Variants in EVC2 observed in about 807,000 individuals in gnomAD.
The protein encoded by EVC2 is limbin.
In EVC2, 148 loss-of-function variants were observed where a neutral mutation model predicts 149.3. That is an observed-to-expected ratio of 0.99 (90% confidence interval 0.87 to 1.14). The LOEUF (loss-of-function observed/expected upper bound fraction) is 1.14, where lower values mean the gene tolerates loss of function less well. Ranked by LOEUF, EVC2 falls within the 50% of genes most tolerant of loss-of-function variation. EVC2 has a pLI of 0.00. For missense variants in EVC2, 1,854 were observed against 1,627.3 expected (o/e 1.14, Z -2.40); for synonymous variants, 776 against 649.9 (o/e 1.19, Z -2.95).
At chr4:5,561,632 A>G (rs1721963608), downstream of EVC2, among the ~76,000 whole-genome samples, 1 of 152,184 alleles carries the variant, frequency 6.6e-6, no homozygotes, top group Admixed American at 6.5e-5. Context: ...GAAAAGGGAC[A>G]TCCATGGCAG....
At chr4:5,538,754 T>G (rs1342297755), downstream of EVC2, among the ~76,000 whole-genome samples, 1 of 152,174 alleles carries the variant, frequency 6.6e-6, no homozygotes, top group Non-Finnish European at 1.5e-5. Flanking sequence ...GAAAAAGCAT[T>G]TGACAAAATC....
At chr4:5,623,064 T>G (rs1715841477) in intron 13 of EVC2, 73 bp from the exon 14 acceptor site, 1 of 1,385,878 alleles carries the variant, frequency 7.2e-7, no homozygotes, top group South Asian at 1.2e-5. Flanking sequence ...AAACACTTTG[T>G]TGCAGGAAGC....
chr4:5,559,816 G>C (rs1721905773), downstream of EVC2, among the ~76,000 whole-genome samples: 1 of 152,114 alleles, frequency 6.6e-6, no homozygotes, highest in Non-Finnish European at 1.5e-5. The surrounding 1 kb of genome is among the most constrained non-coding windows in gnomAD (Gnocchi z 5.0). Context: ...ATGGAAAAGA[G>C]ATCATCTCCC....
rs1716679090 is a variant in EVC2 at position 5,633,208 on chromosome 4, A to G, written c.1471-1176T>C. On this transcript the variant is annotated intron_variant, in intron 10 of 21. Coordinates refer to ENST00000344408, the MANE Select transcript of EVC2 (RefSeq NM_147127.5). The surrounding 1 kb of genome is among the most constrained non-coding windows in gnomAD (Gnocchi z 4.4). ...AGCTGAGGGCCTCAGTCTTGTACCC[A>G]CAAAGAAGTGAGTTCTGCAAACAGC... Among the ~76,000 whole-genome samples the G allele has an allele frequency of 6.6e-6, 1 of 152,148 alleles. No homozygotes were observed. Among genetic ancestry groups the G allele is most frequent in the African/African-American group, 2.4e-5 (1 of 41,426 alleles).
At chr4:5,532,846 G>C in the EVC2 span, among the ~76,000 whole-genome samples, 1 of 151,894 alleles carries the variant, frequency 6.6e-6, no homozygotes, top group Admixed American at 6.6e-5. Context: ...AGCTGAGCAG[G>C]GATGGGAGCA....
Position 5,636,334 on chromosome 4 carries a change from C to T in EVC2, c.1470+4180G>A, listed in dbSNP as rs1258362512. On this transcript the variant is annotated intron_variant, in intron 10 of 21. Coordinates refer to ENST00000344408, the MANE Select transcript of EVC2 (RefSeq NM_147127.5). This position sits in a 1 kb window ranked among gnomAD's most constrained non-coding sequence, Gnocchi z 4.6. ...ATAGTATGAACAAATTTCAGCTCTA[C>T]ATTAATTACAGTCAGCTCTCTGTAT... is the stretch of plus-strand genomic sequence containing the variant. Among the ~76,000 whole-genome samples, 3 of 152,208 alleles carry T rather than the reference C, an allele frequency of 2.0e-5. No homozygotes were observed. The highest frequency in any genetic ancestry group is 7.2e-5 in the African/African-American group (3 of 41,460).
chr4:5,669,869 C>A (rs2108905681), intron 7 of EVC2, among the ~76,000 whole-genome samples: 1 of 152,288 alleles, frequency 6.6e-6, no homozygotes, highest in Non-Finnish European at 1.5e-5. Flanking sequence ...AAGCCTGGAC[C>A]TAGGAAGAGG....
intron 16 of EVC2, among the ~76,000 whole-genome samples, chr4:5,608,342 G>A (rs932527225): frequency 1.3e-5 from 2 of 152,212 alleles, no homozygotes; most frequent in African/African-American, 4.8e-5. Context: ...CTCTTGGGCA[G>A]TGTCAGCAAG....
rs941312117 is a variant in EVC2, at chr4:5,567,038, T to A, written c.3557+1406A>T. 3.3e-5 allele frequency among the ~76,000 whole-genome samples: 5 copies of A among 152,156 alleles called. No homozygotes were observed. Among genetic ancestry groups the A allele is most frequent in the African/African-American group, 1.2e-4 (5 of 41,420 alleles). ...GAGCGTAGCATAGAGCATGTAACTGTCATCCTGTCACTGGACATTCCGTTT... is the reference window on the plus strand; with the variant it reads ...GAGCGTAGCATAGAGCATGTAACTGACATCCTGTCACTGGACATTCCGTTT... On this transcript the variant is annotated intron_variant, in intron 20 of 21. Transcript: ENST00000344408. The surrounding 1 kb of genome is among the most constrained non-coding windows in gnomAD (Gnocchi z 4.4).
intron 15 of EVC2, among the ~76,000 whole-genome samples, chr4:5,616,323 T>A (rs1431094173): frequency 6.6e-6 from 1 of 151,958 alleles, no homozygotes; most frequent in African/African-American, 2.4e-5. Context: ...AGGAAGAGGG[T>A]GGTGAATCTG....
At chr4:5,703,895 T>C (rs1721979286) in intron 1 of EVC2, among the ~76,000 whole-genome samples, 1 of 152,034 alleles carries the variant, frequency 6.6e-6, no homozygotes, top group Non-Finnish European at 1.5e-5. Flanking sequence ...GTTGAAAGGC[T>C]TTAACAGGGT....
chr4:5,560,217 C>A (rs1010387511), downstream of EVC2, among the ~76,000 whole-genome samples: 21 of 152,036 alleles, frequency 1.4e-4, no homozygotes, highest in African/African-American at 5.1e-4. This position sits in a 1 kb window ranked among gnomAD's most constrained non-coding sequence, Gnocchi z 4.1. Flanking sequence ...CATGAGTAGG[C>A]TTCTGTGTGA....
At chr4:5,573,197 G>C (rs1219513315) in intron 19 of EVC2, among the ~76,000 whole-genome samples, 1 of 152,140 alleles carries the variant, frequency 6.6e-6, no homozygotes, top group Non-Finnish European at 1.5e-5. Flanking sequence ...TCCCATCCTG[G>C]GACCTGCGAA....
At chr4:5,659,693 G>C (rs189485501) in intron 9 of EVC2, among the ~76,000 whole-genome samples, 6 of 152,220 alleles carry the variant, frequency 3.9e-5, no homozygotes, top group African/African-American at 1.4e-4. Flanking sequence ...CATTCCTATT[G>C]TACTCAAGCA....
chr4:5,537,730 A>T, the EVC2 span, among the ~76,000 whole-genome samples: 1 of 152,210 alleles, frequency 6.6e-6, no homozygotes. Flanking sequence ...AACGAAGAAA[A>T]TAAATCAATT....
chr4:5,541,917 C>T (rs1049559736), downstream of EVC2, among the ~76,000 whole-genome samples: 2 of 152,150 alleles, frequency 1.3e-5, no homozygotes, highest in Non-Finnish European at 2.9e-5. Flanking sequence ...GTGTGCCCCC[C>T]TCCCCAAATT....
chr4:5,604,576 G>A (rs897757003), intron 16 of EVC2, among the ~76,000 whole-genome samples: 2 of 152,148 alleles, frequency 1.3e-5, no homozygotes, highest in African/African-American at 2.4e-5. Flanking sequence ...AAAGAGGCTG[G>A]TTAATGAGGA....
chr4:5,697,776 T>A, intron 1 of EVC2, 129 bp from the exon 2 acceptor site: 1 of 792,894 alleles, frequency 1.3e-6, no homozygotes, highest in Non-Finnish European at 2.1e-6. Context: ...GACAGAGTCT[T>A]GCTCTGTCAC....
At chr4:5,583,530 AT>A (rs1423165651) in intron 17 of EVC2, among the ~76,000 whole-genome samples, 1 of 152,156 alleles carries the variant, frequency 6.6e-6, no homozygotes, top group Non-Finnish European at 1.5e-5. Flanking sequence ...AATTTCTTTC[AT>A]GGCAAGAGGG....
Sources: allele counts gnomAD v4.1 joint callset (sites outside exome capture counted in the v4.1 genomes callset), GRCh38; gene constraint gnomAD v4.1.1; non-coding constraint Gnocchi (gnomAD v3.1); transcripts MANE v1.5; gene names NCBI Gene and HGNC (gene_info 2026-07-23, HGNC 2026-07-21).